Variants in SPAG16 observed in about 807,000 individuals in gnomAD.
SPAG16 encodes sperm associated antigen 16.
A neutral mutation model predicts 80.4 loss-of-function variants in SPAG16; 86 were observed. The observed-to-expected ratio is 1.07, with a 90% CI of 0.90 to 1.28. The LOEUF (loss-of-function observed/expected upper bound fraction) is 1.28, where lower values mean the gene tolerates loss of function less well. Ranked by LOEUF, SPAG16 falls within the 50% of genes most tolerant of loss-of-function variation. The pLI is 0.00. For missense variants in SPAG16, 870 were observed against 765.3 expected (o/e 1.14, Z -1.61); for synonymous variants, 294 against 265.9 (o/e 1.11, Z -1.03).
At chr2:213,949,179 T>TTTTTTG (rs2079609920) in intron 12 of SPAG16, among the ~76,000 whole-genome samples, 1 of 36,240 alleles carries the variant, frequency 2.8e-5, no homozygotes, top group Non-Finnish European at 5.5e-5. Context: ...GTTTTTTTTT[T>TTTTTTG]TTTTTTTTTT....
At chr2:214,048,015 C>T (rs897053122) in intron 13 of SPAG16, among the ~76,000 whole-genome samples, 2 of 152,092 alleles carry the variant, frequency 1.3e-5, no homozygotes, top group African/African-American at 4.8e-5. Context: ...GTTAAAATGG[C>T]TTTTATCCAA....
intron 13 of SPAG16, among the ~76,000 whole-genome samples, chr2:214,036,973 G>A (rs985246487): frequency 6.6e-6 from 1 of 151,810 alleles, no homozygotes; most frequent in African/African-American, 2.4e-5. Flanking sequence ...TTGTGTCTGT[G>A]AAATACTAAT....
intron 12 of SPAG16, among the ~76,000 whole-genome samples, chr2:213,996,169 T>C (rs1163637858): frequency 6.6e-6 from 1 of 152,190 alleles, no homozygotes; most frequent in African/African-American, 2.4e-5. Flanking sequence ...GGAGTATAAA[T>C]GCAAATTAGT....
At chr2:214,267,156 C>A (rs991373622) in intron 15 of SPAG16, among the ~76,000 whole-genome samples, 2 of 150,486 alleles carry the variant, frequency 1.3e-5, no homozygotes, top group Non-Finnish European at 3.0e-5. Flanking sequence ...AGATAAAAAG[C>A]TAAAAAGATT....
chr2:213,821,589 A>T (rs1187596210), intron 10 of SPAG16, among the ~76,000 whole-genome samples: 1 of 152,178 alleles, frequency 6.6e-6, no homozygotes, highest in Non-Finnish European at 1.5e-5. Flanking sequence ...TACTTTAAAA[A>T]GTACAATTAA....
chr2:213,878,387 C>T (rs1216893682), intron 11 of SPAG16, among the ~76,000 whole-genome samples: 4 of 151,936 alleles, frequency 2.6e-5, no homozygotes, highest in Non-Finnish European at 4.4e-5. Flanking sequence ...GTTTAAGATG[C>T]TTTCTCCTTG....
chr2:214,094,394 A>G (rs996884834), intron 13 of SPAG16, among the ~76,000 whole-genome samples: 2 of 152,130 alleles, frequency 1.3e-5, no homozygotes, highest in Non-Finnish European at 2.9e-5. Context: ...ATCACATGGC[A>G]TGCTAATTAA....
chr2:213,849,658 T>A (rs1008834534), intron 10 of SPAG16, among the ~76,000 whole-genome samples: 32 of 152,200 alleles, frequency 2.1e-4, no homozygotes, highest in African/African-American at 7.5e-4. Context: ...CAGTTGTAAT[T>A]CTTCCAGTTA....
chr2:213,567,165 C>CTTT (rs531916197), intron 10 of SPAG16, among the ~76,000 whole-genome samples: 2 of 94,906 alleles, frequency 2.1e-5, no homozygotes, highest in Non-Finnish European at 4.3e-5. Flanking sequence ...AACACAGATT[C>CTTT]TTTTTTTTTT....
intron 15 of SPAG16, among the ~76,000 whole-genome samples, chr2:214,302,325 G>A (rs6760883): frequency 0.23 from 35,279 of 152,030 alleles, 5,484 homozygotes; most frequent in African/African-American, 0.45. Context: ...TAAGTCCAAA[G>A]TTTCTTTGTT....
chr2:213,956,743 G>A (rs1559628304), intron 12 of SPAG16, among the ~76,000 whole-genome samples: 1 of 151,976 alleles, frequency 6.6e-6, no homozygotes, highest in Non-Finnish European at 1.5e-5. Flanking sequence ...GAGCCACCAC[G>A]CCTGGACTTA....
intron 10 of SPAG16, among the ~76,000 whole-genome samples, chr2:213,717,156 ATT>A (rs1411155401): frequency 2.1e-5 from 3 of 144,158 alleles, no homozygotes. Context: ...GAAACTTTTC[ATT>A]TTTTTTTTTT....
chr2:214,053,642 C>T (rs1187482309), intron 13 of SPAG16, among the ~76,000 whole-genome samples: 2 of 152,284 alleles, frequency 1.3e-5, no homozygotes, highest in African/African-American at 4.8e-5. Context: ...CTAATTTCAA[C>T]GTTGTACACA....
At chr2:214,023,124 T>A (rs1467809751) in intron 13 of SPAG16, among the ~76,000 whole-genome samples, 3 of 151,962 alleles carry the variant, frequency 2.0e-5, no homozygotes, top group Non-Finnish European at 4.4e-5. Flanking sequence ...CCCCTCATGT[T>A]TTCTCTGGGT....
At chr2:213,646,183 C>T (rs537261845) in intron 10 of SPAG16, among the ~76,000 whole-genome samples, 36 of 152,240 alleles carry the variant, frequency 2.4e-4, no homozygotes, top group Middle Eastern at 3.4e-3. Context: ...GTGCCTCTTT[C>T]GACGATACAA....
intron 12 of SPAG16, among the ~76,000 whole-genome samples, chr2:213,965,271 T>A (rs967204773): frequency 2.6e-5 from 4 of 152,142 alleles, no homozygotes; most frequent in Non-Finnish European, 4.4e-5. Context: ...GGACTCAGAG[T>A]CCCTGGGGTT....
At chr2:213,788,478 T>C (rs1364696797) in intron 10 of SPAG16, among the ~76,000 whole-genome samples, 1 of 151,972 alleles carries the variant, frequency 6.6e-6, no homozygotes, top group African/African-American at 2.4e-5. Context: ...TGTTTATCTC[T>C]ACTTCCTTTT....
chr2:214,135,699 A>ATC (rs891227921), intron 14 of SPAG16, among the ~76,000 whole-genome samples: 6 of 141,590 alleles, frequency 4.2e-5, no homozygotes, highest in East Asian at 2.2e-4. Context: ...AACTTCCTCT[A>ATC]TCTCTCTCTC....
chr2:213,983,649 T>A (rs2045873217), intron 12 of SPAG16, among the ~76,000 whole-genome samples: 1 of 151,986 alleles, frequency 6.6e-6, no homozygotes, highest in Non-Finnish European at 1.5e-5. Flanking sequence ...AGTTTTTGTA[T>A]CAATAATTTC....
Sources: gnomAD v4.1 joint callset for allele counts (sites outside exome capture counted in the v4.1 genomes callset) on GRCh38, gnomAD v4.1.1 for gene constraint, MANE v1.5 for transcripts, NCBI Gene and HGNC (gene_info 2026-07-23, HGNC 2026-07-21) for gene names.